Variants in KDM1A observed in about 807,000 individuals in gnomAD.
The protein encoded by KDM1A is lysine demethylase 1A, also known as lysine-specific histone demethylase 1A.
A neutral mutation model predicts 109.4 loss-of-function variants in KDM1A; 49 were observed. The observed-to-expected ratio is 0.45, with a 90% CI of 0.36 to 0.57. The LOEUF (loss-of-function observed/expected upper bound fraction) is 0.57. Among genes scored for constraint, KDM1A ranks in the 20% least tolerant of loss-of-function variants. The pLI, the probability that KDM1A is intolerant of heterozygous loss-of-function variation, is 0.00. For synonymous variants in KDM1A, 380 were observed against 415.4 expected (o/e 0.91, Z 1.04); for missense variants, 668 against 1,116.6 (o/e 0.60, Z 5.73).
At position 23,019,821 on chromosome 1, in the gene KDM1A, G is replaced by T. The variant is rs1641557070; in HGVS notation, c.225G>T (p.Ala75=). 2.1e-6 allele frequency: 3 copies of T among 1,423,374 alleles called. No individual in the cohort carries two copies. In the African/African-American group the frequency reaches 4.6e-5, roughly 22 times the overall value. 88.2% of individuals were successfully genotyped at this position (1,423,374 alleles called of 1,614,324 possible). ...GGGCCTCGCCCCCCGGGGGCCTGGC[G>T]GAACCGCCGGGGTCCGCAGGGCCTC... ...PPRASPPGGL[A]EPPGSAGPQA... is the part of the protein sequence containing the mutation. The change falls in exon 1 of 21, where the codon GCG becomes GCT. Residue 75 remains alanine, a synonymous_variant. Transcript: ENST00000400181.
intron 9 of KDM1A, among the ~76,000 whole-genome samples, chr1:23,063,150 AG>A (rs1643048115): frequency 7.8e-6 from 1 of 128,402 alleles, no homozygotes. Flanking sequence ...CTTTTTTTGG[AG>A]TAATGAAAGG....
chr1:23,035,289 G>T (rs937617701), intron 2 of KDM1A, among the ~76,000 whole-genome samples: 4 of 152,044 alleles, frequency 2.6e-5, no homozygotes, highest in Admixed American at 6.6e-5. Flanking sequence ...CACAACCTCC[G>T]CCTCCCGGGT....
intron 9 of KDM1A, among the ~76,000 whole-genome samples, chr1:23,060,306 T>C (rs976780561): frequency 6.6e-6 from 1 of 152,184 alleles, no homozygotes; most frequent in African/African-American, 2.4e-5. Context: ...AACTTTTTAT[T>C]ATGGAAATTT....
chr1:23,056,553 A>G (rs1174556713), intron 7 of KDM1A, among the ~76,000 whole-genome samples: 1 of 152,034 alleles, frequency 6.6e-6, no homozygotes, highest in Non-Finnish European at 1.5e-5. Flanking sequence ...TATTCAAGCT[A>G]TTTTCATGAA....
chr1:23,074,534 C>T (rs2124526828), intron 15 of KDM1A, among the ~76,000 whole-genome samples: 1 of 152,234 alleles, frequency 6.6e-6, no homozygotes, highest in Non-Finnish European at 1.5e-5. Context: ...ACCTCCTGGG[C>T]TCAAGTGATC....
At position 23,079,418 on chromosome 1, in the gene KDM1A, CG is replaced by C. The variant is rs1044055085; in HGVS notation, c.2056-134del. On this transcript the variant is annotated intron_variant, in intron 17 of 20. Coordinates refer to ENST00000400181, the MANE Select transcript of KDM1A (RefSeq NM_001009999.3). The surrounding 1 kb of genome is among the most constrained non-coding windows in gnomAD (Gnocchi z 5.6). ...AAACTCAGGCCTATAAAAAGGGGAT[CG>C]TAAATGTCATCCTAAATAATAAGGA... 4.1e-6 allele frequency: 3 copies of C among 738,778 alleles called. No homozygotes were observed. The African/African-American group carries it at 5.3e-5, about 13-fold the overall frequency. The allele number at this position is 738,778 out of a possible 1,614,324, so 45.8% of individuals were successfully genotyped here. A position where few individuals can be genotyped will look rare whatever the true frequency, so the allele number is the denominator to read the frequency against.
chr1:23,080,607 C>T (rs2124549580), intron 18 of KDM1A, among the ~76,000 whole-genome samples: 1 of 152,270 alleles, frequency 6.6e-6, no homozygotes, highest in South Asian at 2.1e-4. Context: ...TCCCCAGATT[C>T]CAGGCACATT....
At position 23,053,857 on chromosome 1, in the gene KDM1A, T is replaced by C. The variant is rs1642746064; in HGVS notation, c.790+18T>C. On this transcript the variant is annotated intron_variant, in intron 5 of 20. Transcript: ENST00000400181. The stretch of plus-strand genomic sequence containing the variant: ...TTATAACAGTAAGTAGTGTGTTCAA[T>C]AGGACTAATTTGTACTGGATTGTGA... The C allele has an allele frequency of 7.4e-7, 1 of 1,343,270 alleles. No homozygotes were observed. Among genetic ancestry groups the C allele is most frequent in the South Asian group, 1.2e-5 (1 of 85,478 alleles). The allele number at this position is 1,343,270 out of a possible 1,614,324, so 83.2% of individuals were successfully genotyped here. A position where few individuals can be genotyped will look rare whatever the true frequency, so the allele number is the denominator to read the frequency against.
At chr1:23,031,237 A>G (rs1375495758) in intron 2 of KDM1A, among the ~76,000 whole-genome samples, 1 of 152,218 alleles carries the variant, frequency 6.6e-6, no homozygotes, top group Non-Finnish European at 1.5e-5. Flanking sequence ...AATGCTGAGT[A>G]CTAGCTTTCT....
chr1:23,020,436 C>G (rs1015911146), intron 1 of KDM1A: 1 of 150,342 alleles, frequency 6.7e-6, no homozygotes, highest in Non-Finnish European at 1.5e-5. Context: ...GTCGTTTTTG[C>G]TTTTGTTTTT....
Position 23,055,969 on chromosome 1 carries a change from G to A in KDM1A, c.921G>A (p.Gly307=), listed in dbSNP as rs766054324. 9 of 1,612,682 alleles carry A rather than the reference G, an allele frequency of 5.6e-6. No individual in the cohort carries two copies. The African/African-American group carries it at 1.1e-4, about 19-fold the overall frequency. ...KTGKVIIIGS[G]VSGLAAARQL... is the part of the protein sequence containing the mutation. ...GAAAGGTAATTATTATAGGCTCTGG[G>A]GTCTCAGGCTTGGCAGCAGCTCGAC... is the stretch of plus-strand genomic sequence containing the variant. The change falls in exon 7 of 21, where the codon GGG becomes GGA. Residue 307 remains glycine (G), a synonymous_variant. Coordinates refer to ENST00000400181, the MANE Select transcript of KDM1A (RefSeq NM_001009999.3).
At chr1:23,046,702 T>C (rs530797061) in intron 3 of KDM1A, among the ~76,000 whole-genome samples, 22 of 152,300 alleles carry the variant, frequency 1.4e-4, no homozygotes, top group African/African-American at 5.1e-4. Flanking sequence ...ACTACATTTA[T>C]TATGTATTCA....
At chr1:23,063,128 CTTTTT>C (rs752039392) in intron 9 of KDM1A, among the ~76,000 whole-genome samples, 2 of 117,994 alleles carry the variant, frequency 1.7e-5, no homozygotes, top group South Asian at 2.7e-4. Flanking sequence ...ATGGGCTTTA[CTTTTT>C]TTTTTTCTTT....
Position 23,050,271 on chromosome 1 carries a change from T to C in KDM1A, c.578-116T>C, listed in dbSNP as rs990660818. On this transcript the variant is annotated intron_variant, in intron 3 of 20. Coordinates refer to ENST00000400181, the MANE Select transcript of KDM1A (RefSeq NM_001009999.3). ...AAGGAAGTTTCAGCTTTTGAGACAATTGAAAATTTTTTAAAAAGGTCAGTC... is the reference window on the plus strand; with the variant it reads ...AAGGAAGTTTCAGCTTTTGAGACAACTGAAAATTTTTTAAAAAGGTCAGTC... 3.1e-5 allele frequency: 34 copies of C among 1,084,706 alleles called. 1 individual carries two copies. Among genetic ancestry groups the C allele is most frequent in the Admixed American group, 7.4e-5 (2 of 26,928 alleles). The allele number at this position is 1,084,706 out of a possible 1,614,324, so 67.2% of individuals were successfully genotyped here. A position where few individuals can be genotyped will look rare whatever the true frequency, so the allele number is the denominator to read the frequency against.
In KDM1A at chr1:23,019,799, C is replaced by T; in HGVS notation, c.203C>T (p.Ala68Val). Reference protein sequence around the residue: ...RTPRKKEPPRASPPGGLAEPP... With the variant: ...RTPRKKEPPRVSPPGGLAEPP... ...CCCCGCAAGAAAGAGCCTCCGCGGG[C>T]CTCGCCCCCCGGGGGCCTGGCGGAA... Residue 68 changes from alanine (A) to valine (V), a missense_variant, in exon 1 of 21, where the codon GCC becomes GTC. Ala to Val is a moderately conservative substitution (Grantham distance 64, BLOSUM62 0). Transcript: ENST00000400181. 2.9e-6 allele frequency: 4 copies of T among 1,389,610 alleles called. No homozygotes were observed. The highest frequency in any genetic ancestry group is 3.7e-6 in the Non-Finnish European group (4 of 1,070,774). The allele number at this position is 1,389,610 out of a possible 1,614,324, so 86.1% of individuals were successfully genotyped here. A position where few individuals can be genotyped will look rare whatever the true frequency, so the allele number is the denominator to read the frequency against.
intron 9 of KDM1A, 96 bp downstream of exon 9, chr1:23,059,263 A>T (rs1302851562): frequency 1.2e-6 from 1 of 822,308 alleles, no homozygotes; most frequent in African/African-American, 1.7e-5. Flanking sequence ...ATATATACAC[A>T]TATAGAGGTG....
At position 23,055,587 on chromosome 1, in the gene KDM1A, C is replaced by T. The variant is rs554979917; in HGVS notation, c.884-345C>T. Among the ~76,000 whole-genome samples the T allele has an allele frequency of 1.3e-3, 199 of 152,150 alleles. 2 individuals are homozygous for T. Among genetic ancestry groups the T allele is most frequent in the Non-Finnish European group, 2.2e-3 (148 of 67,980 alleles). On this transcript the variant is annotated intron_variant, in intron 6 of 20. Transcript: ENST00000400181. ...CAAGGTTAGAGGTTAAGGGAAATAGCTTATATGCAGAATGTGTCCTAATGT... is the reference window on the plus strand; with the variant it reads ...CAAGGTTAGAGGTTAAGGGAAATAGTTTATATGCAGAATGTGTCCTAATGT...
At chr1:23,035,918 G>A (rs1351025633) in intron 2 of KDM1A, among the ~76,000 whole-genome samples, 1 of 152,092 alleles carries the variant, frequency 6.6e-6, no homozygotes, top group Admixed American at 6.5e-5. Flanking sequence ...AAAAAAATAA[G>A]TGGTACTAAT....
intron 1 of KDM1A, among the ~76,000 whole-genome samples, chr1:23,028,372 G>A (rs1458004970): frequency 1.3e-5 from 2 of 152,182 alleles, no homozygotes; most frequent in South Asian, 2.1e-4. Flanking sequence ...CCTAGAGGGG[G>A]CCTGTAAAGA....
Sources: allele counts gnomAD v4.1 joint callset (sites outside exome capture counted in the v4.1 genomes callset), GRCh38; gene constraint gnomAD v4.1.1; non-coding constraint Gnocchi (gnomAD v3.1); transcripts MANE v1.5; gene names NCBI Gene and HGNC (gene_info 2026-07-23, HGNC 2026-07-21).